SHISA8: variants seen among roughly 807,000 people sequenced by gnomAD.
SHISA8 encodes the protein protein shisa-8.
In SHISA8, 21 loss-of-function variants were observed where a neutral mutation model predicts 21.1. The ratio of observed to expected loss-of-function variants is 0.99; its 90% CI spans 0.71 to 1.43. The LOEUF is 1.43. SHISA8 is among the 40% of genes most tolerant of loss of function. The probability of loss-of-function intolerance (pLI) is 0.00; values close to 1 mark genes in which losing one functional copy is unlikely to be tolerated. For synonymous variants in SHISA8, 300 were observed against 291.4 expected, an observed-to-expected ratio of 1.03 and a Z score of -0.30; for missense variants, 535 against 599.1, an observed-to-expected ratio of 0.89 and a Z score of 1.12.
chr22:41,910,259 G>A lies in SHISA8; in HGVS notation c.812-112C>T. 8.2e-7 allele frequency: 1 copy of A among 1,224,946 alleles called. No homozygotes were observed. Among genetic ancestry groups the A allele is most frequent in the African/African-American group, 1.6e-5 (1 of 63,836 alleles). 75.9% of individuals were successfully genotyped at this position (1,224,946 alleles called of 1,614,324 possible). On this transcript the variant is annotated intron_variant, in intron 3 of 3. Coordinates refer to ENST00000621082, the MANE Select transcript of SHISA8 (RefSeq NM_001207020.3). This position sits in a 1 kb window ranked among gnomAD's most constrained non-coding sequence, Gnocchi z 6.8. ...GGGGACCGGGCCGGGGCGGGCCGGG[G>A]GCGGGGCCCGCTGGGGCGAGGGAGC...
Position 41,910,344 on chromosome 22 carries a change from G to A in SHISA8, c.811+64C>T. The A allele has an allele frequency of 7.9e-7, 1 of 1,260,014 alleles. No individual in the cohort carries two copies. Among genetic ancestry groups the A allele is most frequent in the Non-Finnish European group, 1.0e-6 (1 of 1,002,062 alleles). The allele number at this position is 1,260,014 out of a possible 1,614,324, so 78.1% of individuals were successfully genotyped here. On this transcript the variant is annotated intron_variant, in intron 3 of 3. Transcript: ENST00000621082. This position sits in a 1 kb window ranked among gnomAD's most constrained non-coding sequence, Gnocchi z 6.8. Reference sequence around the variant, plus strand: ...ATTTGGCGCTTGGAGCTGCGGCCCCGCGCTTCGCAGTCCGGGAGCTCGTGC... The same window carrying A: ...ATTTGGCGCTTGGAGCTGCGGCCCCACGCTTCGCAGTCCGGGAGCTCGTGC...
At position 41,914,122 on chromosome 22, in the gene SHISA8, G is replaced by T; in HGVS notation, c.530+16C>A. 1.4e-6 allele frequency: 2 copies of T among 1,390,956 alleles called. No individual in the cohort carries two copies. Among genetic ancestry groups the T allele is most frequent in the East Asian group, 3.0e-5 (1 of 32,838 alleles). 86.2% of individuals were successfully genotyped at this position (1,390,956 alleles called of 1,614,324 possible). ...TCCGAGGAGCAGGCGGGGGTCCCTG[G>T]GCGGCGCGTGCTCACCTGGTCACTG... On this transcript the variant is annotated intron_variant, in intron 1 of 3. Coordinates refer to ENST00000621082, the MANE Select transcript of SHISA8 (RefSeq NM_001207020.3). This position sits in a 1 kb window ranked among gnomAD's most constrained non-coding sequence, Gnocchi z 6.8.
Position 41,909,979 on chromosome 22 carries a change from G to A in SHISA8, c.980C>T (p.Ala327Val), listed in dbSNP as rs2077537018. Residue 327 changes from alanine (A) to valine (V), a missense_variant, in exon 4 of 4, where the codon GCC (alanine) becomes GTC (valine). By Grantham distance (64) the Ala-to-Val change is moderately conservative. Transcript: ENST00000621082. ...CCGGGCCGGGCGACTGGAGGTCCAG[G>A]CGGCATAGGGGCCCGGCGCGGCAGG... is the stretch of plus-strand genomic sequence containing the variant. ...APPAAPGPYAAWTSSRPARPA... is the reference protein window; with the variant it reads ...APPAAPGPYAVWTSSRPARPA... 7.2e-7 allele frequency: 1 copy of A among 1,385,474 alleles called. No individual in the cohort carries two copies. Among genetic ancestry groups the A allele is most frequent in the Admixed American group, 3.6e-5 (1 of 27,876 alleles). 85.8% of individuals were successfully genotyped at this position (1,385,474 alleles called of 1,614,324 possible). A position where few individuals can be genotyped will look rare whatever the true frequency, so the allele number is the denominator to read the frequency against.
At position 41,909,762 on chromosome 22, in the gene SHISA8, G is replaced by A. The variant is rs1477387858; in HGVS notation, c.*3C>T. On this transcript the variant is annotated 3_prime_UTR_variant, in exon 4 of 4. Transcript: ENST00000621082. Reference sequence around the variant, plus strand: ...CATGCCTCGAGGGCACCGCGGCCCCGCTTCACACGGTGACCTCGGTCTTGC... The same window carrying A: ...CATGCCTCGAGGGCACCGCGGCCCCACTTCACACGGTGACCTCGGTCTTGC... The A allele has an allele frequency of 7.6e-6, 11 of 1,454,540 alleles. No homozygotes were observed. Among genetic ancestry groups the A allele is most frequent in the East Asian group, 2.9e-5 (1 of 34,502 alleles). The allele number at this position is 1,454,540 out of a possible 1,614,324, so 90.1% of individuals were successfully genotyped here. A position where few individuals can be genotyped will look rare whatever the true frequency, so the allele number is the denominator to read the frequency against.
Position 41,910,310 on chromosome 22 carries a change from G to A in SHISA8, c.811+98C>T, listed in dbSNP as rs1390333985. ...CGATTGGCCGAGCGGCGGGCGCGCGGAACTGGGAATTTGGCGCTTGGAGCT... is the reference window on the plus strand; with the variant it reads ...CGATTGGCCGAGCGGCGGGCGCGCGAAACTGGGAATTTGGCGCTTGGAGCT... On this transcript the variant is annotated intron_variant, in intron 3 of 3. Coordinates refer to ENST00000621082, the MANE Select transcript of SHISA8 (RefSeq NM_001207020.3). The surrounding 1 kb of genome is among the most constrained non-coding windows in gnomAD (Gnocchi z 6.8). The A allele has an allele frequency of 2.7e-5, 34 of 1,244,062 alleles. No homozygotes were observed. The highest frequency in any genetic ancestry group is 3.4e-5 in the Non-Finnish European group (34 of 992,904). The allele number at this position is 1,244,062 out of a possible 1,614,324, so 77.1% of individuals were successfully genotyped here.
chr22:41,914,392 G>A lies in SHISA8; in HGVS notation c.276C>T (p.Phe92=). ...SFCCGTCGYR[F]CCHDGPRRLD... is the part of the protein sequence containing the mutation. ...GGCGCCGCGGCCCGTCGTGGCAGCAGAAGCGGTAGCCGCACGTGCCGCAGC... is the reference window on the plus strand; with the variant it reads ...GGCGCCGCGGCCCGTCGTGGCAGCAAAAGCGGTAGCCGCACGTGCCGCAGC... Residue 92 remains phenylalanine, a synonymous_variant, in exon 1 of 4, where the codon TTC becomes TTT. Transcript: ENST00000621082. This position sits in a 1 kb window ranked among gnomAD's most constrained non-coding sequence, Gnocchi z 6.8. 7.6e-7 allele frequency: 1 copy of A among 1,323,376 alleles called. No homozygotes were observed. The highest frequency in any genetic ancestry group is 9.7e-7 in the Non-Finnish European group (1 of 1,034,626). 82.0% of individuals were successfully genotyped at this position (1,323,376 alleles called of 1,614,324 possible). A position where few individuals can be genotyped will look rare whatever the true frequency, so the allele number is the denominator to read the frequency against.
In SHISA8 at chr22:41,914,341, G is replaced by T; in HGVS notation, c.327C>A (p.Tyr109Ter). The T allele has an allele frequency of 7.9e-7, 1 of 1,259,164 alleles. No individual in the cohort carries two copies. The highest frequency in any genetic ancestry group is 1.0e-6 in the Non-Finnish European group (1 of 1,002,978). 78.0% of individuals were successfully genotyped at this position (1,259,164 alleles called of 1,614,324 possible). A position where few individuals can be genotyped will look rare whatever the true frequency, so the allele number is the denominator to read the frequency against. Residue 109 changes from tyrosine (Y) to a stop codon, truncating the protein, a stop_gained, in exon 1 of 4, where the codon TAC (tyrosine) becomes TAA (stop). Coordinates refer to ENST00000621082, the MANE Select transcript of SHISA8 (RefSeq NM_001207020.3). LOFTEE classifies it high-confidence loss of function. This position sits in a 1 kb window ranked among gnomAD's most constrained non-coding sequence, Gnocchi z 6.8. ...RRLDQSRCSNYDTPAWVQTGR... is the reference protein window; with the variant it reads ...RRLDQSRCSN ...CTGTCTGGACCCAGGCCGGCGTGTC[G>T]TAGTTGGAACAGCGGCTCTGGTCGA...
chr22:41,910,343 C>T lies in SHISA8; in HGVS notation c.811+65G>A. The stretch of plus-strand genomic sequence containing the variant: ...AATTTGGCGCTTGGAGCTGCGGCCC[C>T]GCGCTTCGCAGTCCGGGAGCTCGTG... On this transcript the variant is annotated intron_variant, in intron 3 of 3. Coordinates refer to ENST00000621082, the MANE Select transcript of SHISA8 (RefSeq NM_001207020.3). This position sits in a 1 kb window ranked among gnomAD's most constrained non-coding sequence, Gnocchi z 6.8. 1.6e-6 allele frequency: 2 copies of T among 1,260,014 alleles called. 1 individual carries two copies. The highest frequency in any genetic ancestry group is 5.4e-5 in the South Asian group (2 of 37,110). The allele number at this position is 1,260,014 out of a possible 1,614,324, so 78.1% of individuals were successfully genotyped here. A position where few individuals can be genotyped will look rare whatever the true frequency, so the allele number is the denominator to read the frequency against.
chr22:41,913,407 G>A (rs374760502), intron 1 of SHISA8, among the ~76,000 whole-genome samples: 149 of 152,328 alleles, frequency 9.8e-4, no homozygotes, highest in African/African-American at 3.4e-3. Flanking sequence ...GTGGCATGTG[G>A]GTGGGAGTTC....
chr22:41,914,044 G>T lies in SHISA8; in HGVS notation c.530+94C>A. The T allele has an allele frequency of 7.9e-7, 1 of 1,261,574 alleles. No homozygotes were observed. The highest frequency in any genetic ancestry group is 2.2e-5 in the South Asian group (1 of 45,436). The allele number at this position is 1,261,574 out of a possible 1,614,324, so 78.1% of individuals were successfully genotyped here. On this transcript the variant is annotated intron_variant, in intron 1 of 3. Transcript: ENST00000621082. This position sits in a 1 kb window ranked among gnomAD's most constrained non-coding sequence, Gnocchi z 6.8. The stretch of plus-strand genomic sequence containing the variant: ...GAAAACCCAGAGAAGGGGCCTGCTG[G>T]GAGAACCAGCGCTTCGAGAGCGGCG...
At position 41,909,553 on chromosome 22, in the gene SHISA8, C is replaced by G; in HGVS notation, c.*212G>C. ...GTCAGTGACCAATGGTGCCTCGCAG[C>G]CACGCTGGGGCTTCTTTATTCTCAG... On this transcript the variant is annotated 3_prime_UTR_variant, in exon 4 of 4. Transcript: ENST00000621082. 2 of 565,024 alleles carry G rather than the reference C, an allele frequency of 3.5e-6. No homozygotes were observed. The highest frequency in any genetic ancestry group is 5.4e-6 in the Non-Finnish European group (2 of 372,090). 35.0% of individuals were successfully genotyped at this position (565,024 alleles called of 1,614,324 possible).
rs111744155 is a variant in SHISA8 at position 41,910,369 on chromosome 22, C to G, written c.811+39G>C. 1.1e-6 allele frequency: 1 copy of G among 942,474 alleles called. No homozygotes were observed. Among genetic ancestry groups the G allele is most frequent in the East Asian group, 3.5e-5 (1 of 28,594 alleles). 58.4% of individuals were successfully genotyped at this position (942,474 alleles called of 1,614,324 possible). A position where few individuals can be genotyped will look rare whatever the true frequency, so the allele number is the denominator to read the frequency against. ...GCGCTTCGCAGTCCGGGAGCTCGTG[C>G]GCCCAGGTGCCCTGACGCTGCCCGC... On this transcript the variant is annotated intron_variant, in intron 3 of 3. Coordinates refer to ENST00000621082, the MANE Select transcript of SHISA8 (RefSeq NM_001207020.3). This position sits in a 1 kb window ranked among gnomAD's most constrained non-coding sequence, Gnocchi z 6.8.
chr22:41,909,836 C>CG lies in SHISA8; in HGVS notation c.1122dup (p.Gly375ArgfsTer17). The CG allele has an allele frequency of 1.3e-6, 2 of 1,527,220 alleles. No homozygotes were observed. The highest frequency in any genetic ancestry group is 2.5e-5 in the East Asian group (1 of 40,048). 94.6% of individuals were successfully genotyped at this position (1,527,220 alleles called of 1,614,324 possible). ...CCGCGGCCCGCGCTGCCGTAAAGGC[C>CG]GGGGAGCTGCGGGTTGAAGGTCTCA... On this transcript the variant is annotated frameshift_variant, in exon 4 of 4. Coordinates refer to ENST00000621082, the MANE Select transcript of SHISA8 (RefSeq NM_001207020.3). LOFTEE classifies it high-confidence loss of function.
chr22:41,911,518 C>T (rs547108733), intron 1 of SHISA8, among the ~76,000 whole-genome samples, 169 bp from the exon 2 acceptor site: 72 of 152,302 alleles, frequency 4.7e-4, no homozygotes, highest in African/African-American at 1.6e-3. Flanking sequence ...GCAGTATCTG[C>T]CAGCCTCACC....
rs1242217612 is a variant in SHISA8 at position 41,909,834 on chromosome 22, G to A, written c.1125C>T (p.Gly375=). 1 of 1,527,402 alleles carries A rather than the reference G, an allele frequency of 6.5e-7. No individual in the cohort carries two copies. Among genetic ancestry groups the A allele is most frequent in the Non-Finnish European group, 8.7e-7 (1 of 1,143,170 alleles). The allele number at this position is 1,527,402 out of a possible 1,614,324, so 94.6% of individuals were successfully genotyped here. A position where few individuals can be genotyped will look rare whatever the true frequency, so the allele number is the denominator to read the frequency against. The part of the protein sequence containing the change: ...MPETFNPQLP[G]LYGSAGRGSR... Reference sequence around the variant, plus strand: ...ACCCGCGGCCCGCGCTGCCGTAAAGGCCGGGGAGCTGCGGGTTGAAGGTCT... The same window carrying A: ...ACCCGCGGCCCGCGCTGCCGTAAAGACCGGGGAGCTGCGGGTTGAAGGTCT... Residue 375 remains glycine (G), a synonymous_variant, in exon 4 of 4, where the codon GGC becomes GGT. Coordinates refer to ENST00000621082, the MANE Select transcript of SHISA8 (RefSeq NM_001207020.3).
rs1273553987 is a variant in SHISA8 at position 41,914,453 on chromosome 22, G to A, written c.215C>T (p.Pro72Leu). The stretch of plus-strand genomic sequence containing the variant: ...GGCTCCGGAGCTGCAGTTGAAGGGC[G>A]GGTCCCACTGGCCCATCACGTCGTA... ...GYYDVMGQWD[P>L]PFNCSSGAYS... The change falls in exon 1 of 4, where the codon CCG (proline) becomes CTG (leucine). Residue 72 changes from proline (P) to leucine (L), a missense_variant. Transcript: ENST00000621082. This position sits in a 1 kb window ranked among gnomAD's most constrained non-coding sequence, Gnocchi z 6.8. 1.5e-6 allele frequency: 2 copies of A among 1,355,392 alleles called. No individual in the cohort carries two copies. The highest frequency in any genetic ancestry group is 1.5e-5 in the African/African-American group (1 of 66,370). The allele number at this position is 1,355,392 out of a possible 1,614,324, so 84.0% of individuals were successfully genotyped here. A position where few individuals can be genotyped will look rare whatever the true frequency, so the allele number is the denominator to read the frequency against.
chr22:41,910,524 C>T lies in SHISA8; in HGVS notation c.695G>A (p.Gly232Glu), dbSNP rs1271190247. 9.6e-6 allele frequency: 12 copies of T among 1,244,086 alleles called. No individual in the cohort carries two copies. The East Asian group carries it at 1.6e-4, about 17-fold the overall frequency. The allele number at this position is 1,244,086 out of a possible 1,614,324, so 77.1% of individuals were successfully genotyped here. ...DKKRLNNAPR[G>E]SAAPGPPRGP... Reference sequence around the variant, plus strand: ...GCGCGGGGGCCCCGGGGCGGCCGACCCCCGGGGCGCGTTGTTGAGGCGCTT... The same window carrying T: ...GCGCGGGGGCCCCGGGGCGGCCGACTCCCGGGGCGCGTTGTTGAGGCGCTT... The change falls in exon 3 of 4, where the codon GGG (glycine) becomes GAG (glutamate). Residue 232 changes from glycine (G) to glutamate (E), a missense_variant. Physicochemically the swap from Gly to Glu is moderately conservative, Grantham distance 98 (BLOSUM62 -2). Transcript: ENST00000621082. This position sits in a 1 kb window ranked among gnomAD's most constrained non-coding sequence, Gnocchi z 6.8.
In SHISA8 at chr22:41,910,303, G is replaced by C; in HGVS notation, c.811+105C>G. 8.1e-7 allele frequency: 1 copy of C among 1,237,622 alleles called. No homozygotes were observed. The highest frequency in any genetic ancestry group is 1.0e-6 in the Non-Finnish European group (1 of 989,072). The allele number at this position is 1,237,622 out of a possible 1,614,324, so 76.7% of individuals were successfully genotyped here. A position where few individuals can be genotyped will look rare whatever the true frequency, so the allele number is the denominator to read the frequency against. On this transcript the variant is annotated intron_variant, in intron 3 of 3. Transcript: ENST00000621082. The surrounding 1 kb of genome is among the most constrained non-coding windows in gnomAD (Gnocchi z 6.8). The stretch of plus-strand genomic sequence containing the variant: ...AGGGAGCCGATTGGCCGAGCGGCGG[G>C]CGCGCGGAACTGGGAATTTGGCGCT...
chr22:41,914,486 C>G lies in SHISA8; in HGVS notation c.182G>C (p.Arg61Pro). The G allele has an allele frequency of 7.7e-7, 1 of 1,294,202 alleles. No homozygotes were observed. Among genetic ancestry groups the G allele is most frequent in the Non-Finnish European group, 9.8e-7 (1 of 1,018,206 alleles). 80.2% of individuals were successfully genotyped at this position (1,294,202 alleles called of 1,614,324 possible). A position where few individuals can be genotyped will look rare whatever the true frequency, so the allele number is the denominator to read the frequency against. Residue 61 changes from arginine (R) to proline (P), a missense_variant, in exon 1 of 4, where the codon CGC becomes CCC. Transcript: ENST00000621082. The surrounding 1 kb of genome is among the most constrained non-coding windows in gnomAD (Gnocchi z 6.8). The part of the protein sequence containing the change: ...TTAPEGGDRC[R>P]GYYDVMGQWD... ...CTGGCCCATCACGTCGTAGTAGCCG[C>G]GGCAGCGGTCGCCCCCCTCCGGGGC...
Sources: allele counts gnomAD v4.1 joint callset (sites outside exome capture counted in the v4.1 genomes callset), GRCh38; gene constraint gnomAD v4.1.1; non-coding constraint Gnocchi (gnomAD v3.1); transcripts MANE v1.5; gene names NCBI Gene and HGNC (gene_info 2026-07-23, HGNC 2026-07-21).